Variants in KCNB2 observed in about 807,000 individuals in gnomAD.
KCNB2 encodes delayed rectifier potassium channel protein.
A neutral mutation model predicts 61.5 loss-of-function variants in KCNB2; 15 were observed. That is an observed-to-expected ratio of 0.24 (90% CI 0.16 to 0.38). KCNB2 has a LOEUF of 0.38. KCNB2 is among the 10% of genes least tolerant of loss of function. The pLI is 1.00. For missense variants in KCNB2, 828 were observed against 1,125.2 expected (o/e 0.74, Z 3.78); for synonymous variants, 457 against 446.0 (o/e 1.02, Z -0.31).
At chr8:72,584,437 A>C (rs1276571110) in intron 2 of KCNB2, among the ~76,000 whole-genome samples, 22 of 152,170 alleles carry the variant, frequency 1.4e-4, no homozygotes, top group Non-Finnish European at 1.5e-5. Context: ...TAAATGAAGG[A>C]TGCAGTCCTT....
intron 2 of KCNB2, among the ~76,000 whole-genome samples, chr8:72,768,756 C>T (rs1808503305): frequency 6.6e-6 from 1 of 152,104 alleles, no homozygotes; most frequent in Admixed American, 6.6e-5. Context: ...AAGGAAGGAG[C>T]TGAACCTCAT....
At chr8:72,692,461 G>A (rs1806954843) in intron 2 of KCNB2, among the ~76,000 whole-genome samples, 1 of 152,098 alleles carries the variant, frequency 6.6e-6, no homozygotes. Context: ...TTTCCCACCT[G>A]AGAATATAGT....
intron 2 of KCNB2, among the ~76,000 whole-genome samples, chr8:72,627,403 CTTGTGTATAACCTAGAAAT>C (rs759653603): frequency 3.3e-5 from 5 of 152,160 alleles, no homozygotes; most frequent in Non-Finnish European, 7.3e-5. Context: ...CATAGACAAC[CTTGTGTATAACCTAGAAAT>C]GATAGAAAGT....
At chr8:72,782,508 A>C (rs145472940) in intron 2 of KCNB2, among the ~76,000 whole-genome samples, 156 of 152,134 alleles carry the variant, frequency 1.0e-3, no homozygotes, top group African/African-American at 3.5e-3. Flanking sequence ...AGGTTAATAG[A>C]GGTTTGACAC....
intron 2 of KCNB2, among the ~76,000 whole-genome samples, chr8:72,644,389 T>C (rs1310105112): frequency 6.6e-6 from 1 of 152,148 alleles, no homozygotes; most frequent in Non-Finnish European, 1.5e-5. Context: ...GTCCTGACAA[T>C]GCAGGCTGGG....
chr8:72,752,883 A>C (rs1000349593), intron 2 of KCNB2, among the ~76,000 whole-genome samples: 5 of 152,162 alleles, frequency 3.3e-5, no homozygotes, highest in African/African-American at 1.2e-4. Flanking sequence ...CTGTGCACTG[A>C]ACTCTCAGAC....
intron 2 of KCNB2, among the ~76,000 whole-genome samples, chr8:72,920,230 GA>G (rs1295372968): frequency 6.0e-5 from 9 of 151,028 alleles, no homozygotes; most frequent in African/African-American, 1.9e-4. Context: ...ATCATATAAT[GA>G]AAAAAACCCA....
At chr8:72,842,858 C>G (rs1223333977) in intron 2 of KCNB2, among the ~76,000 whole-genome samples, 1 of 152,110 alleles carries the variant, frequency 6.6e-6, no homozygotes, top group African/African-American at 2.4e-5. Context: ...AGCAGTCCAT[C>G]TATTTTGTTG....
intron 2 of KCNB2, among the ~76,000 whole-genome samples, chr8:72,928,654 C>T (rs528000187): frequency 6.7e-6 from 1 of 148,478 alleles, no homozygotes; most frequent in South Asian, 2.1e-4. Flanking sequence ...TGGGGCTTTA[C>T]TTTCAATTAC....
chr8:72,556,845 A>G lies in KCNB2; in HGVS notation c.-93-10797A>G, dbSNP rs138842744. Among the ~76,000 whole-genome samples the G allele has an allele frequency of 1.6e-3, 249 of 152,246 alleles. 2 individuals carry two copies. Among genetic ancestry groups the G allele is most frequent in the African/African-American group, 5.6e-3 (231 of 41,540 alleles). On this transcript the variant is annotated intron_variant, in intron 1 of 2. Coordinates refer to ENST00000523207, the MANE Select transcript of KCNB2 (RefSeq NM_004770.3). ...AGTCCTTTGGGACTATTACTACAGG[A>G]TATCTTAGACGAGGTAACTTATGAA...
chr8:72,661,985 A>G (rs562146256), intron 2 of KCNB2, among the ~76,000 whole-genome samples: 2 of 152,350 alleles, frequency 1.3e-5, no homozygotes, highest in South Asian at 2.1e-4. Flanking sequence ...AGTTGACTAA[A>G]GGCCTCAAAT....
chr8:72,849,693 A>G (rs909291351), intron 2 of KCNB2, among the ~76,000 whole-genome samples: 1 of 152,176 alleles, frequency 6.6e-6, no homozygotes, highest in African/African-American at 2.4e-5. Context: ...TGCTTTGGAG[A>G]AGAGCTAGCC....
At chr8:72,728,038 G>T (rs535394609) in intron 2 of KCNB2, among the ~76,000 whole-genome samples, 1 of 152,206 alleles carries the variant, frequency 6.6e-6, no homozygotes, top group East Asian at 1.9e-4. Flanking sequence ...AAAACAGCAT[G>T]CAGTCTCCTT....
intron 2 of KCNB2, among the ~76,000 whole-genome samples, chr8:72,569,970 G>A (rs986317174): frequency 6.6e-6 from 1 of 152,062 alleles, no homozygotes; most frequent in South Asian, 2.1e-4. Flanking sequence ...CTAAAGTTAA[G>A]TATTGTTACA....
At chr8:72,562,220 A>G (rs1254572778) in intron 1 of KCNB2, among the ~76,000 whole-genome samples, 1 of 152,146 alleles carries the variant, frequency 6.6e-6, no homozygotes, top group East Asian at 1.9e-4. Flanking sequence ...GCCTGGCTCC[A>G]TGAAGGAAGT....
At chr8:72,621,966 C>A (rs1482230067) in intron 2 of KCNB2, among the ~76,000 whole-genome samples, 1 of 152,110 alleles carries the variant, frequency 6.6e-6, no homozygotes, top group Non-Finnish European at 1.5e-5. Context: ...CTCTATTAGA[C>A]CCTCAGACAA....
intron 2 of KCNB2, among the ~76,000 whole-genome samples, chr8:72,851,345 G>A (rs954830486): frequency 6.6e-6 from 1 of 152,196 alleles, no homozygotes; most frequent in African/African-American, 2.4e-5. Flanking sequence ...ATCGGTGACA[G>A]AACAATACAT....
chr8:72,636,702 C>T (rs1359249416), intron 2 of KCNB2, among the ~76,000 whole-genome samples: 2 of 152,110 alleles, frequency 1.3e-5, no homozygotes, highest in Admixed American at 6.5e-5. Flanking sequence ...ATAAAGTGCT[C>T]TTTAGAACTA....
chr8:72,594,655 C>T (rs534235036), intron 2 of KCNB2, among the ~76,000 whole-genome samples: 3 of 152,244 alleles, frequency 2.0e-5, no homozygotes, highest in South Asian at 2.1e-4. Context: ...AACACAGCAG[C>T]GCTTTTCCAT....
Sources: allele counts gnomAD v4.1 joint callset (sites outside exome capture counted in the v4.1 genomes callset), GRCh38; gene constraint gnomAD v4.1.1; transcripts MANE v1.5; gene names NCBI Gene and HGNC (gene_info 2026-07-23, HGNC 2026-07-21).